Variants in ATXN2 observed in about 807,000 individuals in gnomAD.
The protein encoded by ATXN2 is ataxin 2.
Under a neutral mutation model 138.6 loss-of-function variants are expected in ATXN2, and 37 were observed. The ratio of observed to expected loss-of-function variants is 0.27; its 90% CI spans 0.21 to 0.35. The LOEUF is 0.35. Ranked by LOEUF, ATXN2 falls within the 10% of genes least tolerant of loss-of-function variation. ATXN2 has a pLI of 1.00. For synonymous variants in ATXN2, 549 were observed against 543.7 expected (o/e 1.01, Z -0.13); for missense variants, 1,216 against 1,480.3 (o/e 0.82, Z 2.93).
intron 14 of ATXN2, among the ~76,000 whole-genome samples, chr12:111,495,559 A>G (rs1187489858): frequency 6.6e-6 from 1 of 152,224 alleles, no homozygotes; most frequent in African/African-American, 2.4e-5. Context: ...GTATAAATAC[A>G]TATGCAACCA....
At chr12:111,519,113 C>T (rs953258423) in intron 8 of ATXN2, among the ~76,000 whole-genome samples, 3 of 152,154 alleles carry the variant, frequency 2.0e-5, no homozygotes, top group African/African-American at 7.2e-5. Flanking sequence ...ATCAAATAAA[C>T]CTCAGGCTCA....
At chr12:111,472,850 A>C (rs1947725915) in intron 18 of ATXN2, among the ~76,000 whole-genome samples, 1 of 152,204 alleles carries the variant, frequency 6.6e-6, no homozygotes. Flanking sequence ...GTGGGATTAC[A>C]GGCGTCAGCC....
intron 18 of ATXN2, among the ~76,000 whole-genome samples, chr12:111,476,941 CAA>C (rs1876857218): frequency 2.6e-5 from 4 of 151,992 alleles, no homozygotes. Flanking sequence ...AGGTTGGTTA[CAA>C]AGTAACAGCA....
intron 5 of ATXN2, among the ~76,000 whole-genome samples, chr12:111,542,724 AGT>A (rs1881587441): frequency 6.6e-6 from 1 of 152,138 alleles, no homozygotes. Flanking sequence ...AGCCTCCAAA[AGT>A]GTTGAAATTA....
At chr12:111,578,332 C>T (rs1474956320) in intron 1 of ATXN2, among the ~76,000 whole-genome samples, 1 of 152,196 alleles carries the variant, frequency 6.6e-6, no homozygotes, top group Non-Finnish European at 1.5e-5. Flanking sequence ...CAAGCAACTT[C>T]CTGTCCTGCA....
At chr12:111,525,367 C>T (rs749674779) in intron 5 of ATXN2, 51 bp from the exon 6 acceptor site, 2 of 1,468,046 alleles carry the variant, frequency 1.4e-6, no homozygotes, top group Non-Finnish European at 1.8e-6. Flanking sequence ...CAATCAGTTA[C>T]ACTCACACAC....
At chr12:111,512,469 T>C (rs1307346852) in intron 11 of ATXN2, 1 of 151,166 alleles carries the variant, frequency 6.6e-6, no homozygotes, top group Non-Finnish European at 1.5e-5. Flanking sequence ...TTTTTTTTTT[T>C]TTTGAGACAG....
chr12:111,570,226 T>C (rs1487466570), intron 1 of ATXN2, among the ~76,000 whole-genome samples: 2 of 152,052 alleles, frequency 1.3e-5, no homozygotes. Flanking sequence ...CCCAACGATC[T>C]ACCCGTTGCT....
At position 111,453,299 on chromosome 12, in the gene ATXN2, C is replaced by A. The variant is rs932066868; in HGVS notation, c.3439+378G>T. On this transcript the variant is annotated intron_variant, in intron 24 of 24. Coordinates refer to ENST00000673436, the MANE Select transcript of ATXN2 (RefSeq NM_001372574.1). The surrounding 1 kb of genome is among the most constrained non-coding windows in gnomAD (Gnocchi z 5.4). ...CTCAGCAGTATCTTCTCCAGAGCTACAATCAAACTCTGCCATGGTAATAAC... is the reference window on the plus strand; with the variant it reads ...CTCAGCAGTATCTTCTCCAGAGCTAAAATCAAACTCTGCCATGGTAATAAC... 3 of 1,062,348 alleles carry A rather than the reference C, an allele frequency of 2.8e-6. No individual in the cohort carries two copies. The highest frequency in any genetic ancestry group is 3.3e-5 in the African/African-American group (2 of 59,732). The allele number at this position is 1,062,348 out of a possible 1,614,324, so 65.8% of individuals were successfully genotyped here.
At chr12:111,492,966 TAA>T (rs1165474296) in intron 14 of ATXN2, among the ~76,000 whole-genome samples, 1 of 151,976 alleles carries the variant, frequency 6.6e-6, no homozygotes, top group Admixed American at 6.6e-5. Flanking sequence ...CCTATAAATT[TAA>T]AAAAGAGACT....
Position 111,463,897 on chromosome 12 carries a change from C to T in ATXN2, c.2896+765G>A, listed in dbSNP as rs76978305. Among the ~76,000 whole-genome samples the T allele has an allele frequency of 1.3e-3, 191 of 152,312 alleles. 2 individuals are homozygous for T. The East Asian group carries it at 0.019, about 15-fold the overall frequency. ...TGCCTCCCAAGTTCAAGCAATTCTCCTGTCTCAGCCTCCCTAGTAGCTGAG... is the reference window on the plus strand; with the variant it reads ...TGCCTCCCAAGTTCAAGCAATTCTCTTGTCTCAGCCTCCCTAGTAGCTGAG... On this transcript the variant is annotated intron_variant, in intron 21 of 24. Transcript: ENST00000673436.
At chr12:111,464,617 T>A (rs1305795421) in intron 21 of ATXN2, 45 bp downstream of exon 21, 1 of 1,472,624 alleles carries the variant, frequency 6.8e-7, no homozygotes, top group East Asian at 2.3e-5. Context: ...CTTTAAAAAG[T>A]GTTTTACTGT....
At chr12:111,569,231 A>G (rs1020362378) in intron 1 of ATXN2, among the ~76,000 whole-genome samples, 2 of 152,164 alleles carry the variant, frequency 1.3e-5, no homozygotes, top group Non-Finnish European at 2.9e-5. Context: ...CTGTGTTTCA[A>G]TTTCAACATC....
In ATXN2 at chr12:111,598,976, TGTTGC is replaced by T. The variant is rs767766545; in HGVS notation, c.54_58del (p.Gln19AlafsTer69). 1.2e-3 allele frequency: 1,704 copies of T among 1,422,918 alleles called. No homozygotes were observed. The highest frequency in any genetic ancestry group is 3.4e-3 in the Middle Eastern group (14 of 4,106). 88.1% of individuals were successfully genotyped at this position (1,422,918 alleles called of 1,614,324 possible). On this transcript the variant is annotated frameshift_variant, in exon 1 of 25. Coordinates refer to ENST00000673436, the MANE Select transcript of ATXN2 (RefSeq NM_001372574.1). LOFTEE classifies it high-confidence loss of function. This position sits in a 1 kb window ranked among gnomAD's most constrained non-coding sequence, Gnocchi z 4.5. ...CTGCTGCTGCTGCTGCTGCTGCTGCTGTTGCTGCTGCTGCTGCTGCTGCTGCTGCT... is the reference window on the plus strand; with the variant it reads ...CTGCTGCTGCTGCTGCTGCTGCTGCTTGCTGCTGCTGCTGCTGCTGCTGCT...
intron 14 of ATXN2, among the ~76,000 whole-genome samples, chr12:111,494,669 C>G (rs1215772894): frequency 6.6e-6 from 1 of 152,070 alleles, no homozygotes; most frequent in Admixed American, 6.6e-5. Flanking sequence ...CTTGATCCAC[C>G]CACCTCGGCC....
At chr12:111,599,542 GT>G (rs1885163432), upstream of ATXN2, 2 of 1,198,848 alleles carry the variant, frequency 1.7e-6, no homozygotes, top group East Asian at 7.0e-5. Flanking sequence ...GAGGCGCCGG[GT>G]GGGAGCGGAG....
chr12:111,553,604 A>AAATTTTTTTTTTTTTT (rs1882237738), intron 3 of ATXN2, among the ~76,000 whole-genome samples: 2 of 85,002 alleles, frequency 2.4e-5, no homozygotes, highest in African/African-American at 1.5e-4. Flanking sequence ...AAAAAAAAAA[A>AAATTTTTTTTTTTTTT]TTTTTTTTTT....
intron 5 of ATXN2, among the ~76,000 whole-genome samples, chr12:111,538,856 A>C (rs1408630801): frequency 6.7e-6 from 1 of 150,306 alleles, no homozygotes; most frequent in Non-Finnish European, 1.5e-5. Context: ...TGCTCTACAG[A>C]ATCAAATATA....
intron 14 of ATXN2, among the ~76,000 whole-genome samples, chr12:111,492,570 TA>T (rs1311651351): frequency 6.6e-6 from 1 of 152,002 alleles, no homozygotes; most frequent in African/African-American, 2.4e-5. Flanking sequence ...TAATCCCAGC[TA>T]CTCAGGAGGC....
Sources: gnomAD v4.1 joint callset for allele counts (sites outside exome capture counted in the v4.1 genomes callset) on GRCh38, gnomAD v4.1.1 for gene constraint, Gnocchi (gnomAD v3.1) non-coding constraint, MANE v1.5 for transcripts, NCBI Gene and HGNC (gene_info 2026-07-23, HGNC 2026-07-21) for gene names.